RGS6: variants seen among roughly 807,000 people sequenced by gnomAD.
RGS6 encodes regulator of G protein signaling 6.
A neutral mutation model predicts 78.5 loss-of-function variants in RGS6; 30 were observed. That is an observed-to-expected ratio of 0.38 (90% CI 0.29 to 0.52). RGS6 has a LOEUF of 0.52. Ranked by LOEUF, RGS6 falls within the 20% of genes least tolerant of loss-of-function variation. The pLI, the probability that RGS6 is intolerant of heterozygous loss-of-function variation, is 0.85. For synonymous variants in RGS6, 206 were observed against 206.0 expected, an observed-to-expected ratio of 1.00 and a Z score of 0.00; for missense variants, 495 against 609.7, an observed-to-expected ratio of 0.81 and a Z score of 1.98.
chr14:71,936,015 G>GATCTATATATATATAT (rs1555390358), intron 1 of RGS6, among the ~76,000 whole-genome samples: 1 of 63,800 alleles, frequency 1.6e-5, no homozygotes, highest in Non-Finnish European at 3.3e-5. Flanking sequence ...GAACTAATAG[G>GATCTATATATATATAT]ATATATATAT....
chr14:72,297,429 A>ATTATTATTATT (rs1567692437), intron 2 of RGS6, among the ~76,000 whole-genome samples: 77 of 139,950 alleles, frequency 5.5e-4, no homozygotes, highest in African/African-American at 2.2e-3. Flanking sequence ...TATTATTATT[A>ATTATTATTATT]TTTTTTTTTT....
intron 2 of RGS6, among the ~76,000 whole-genome samples, chr14:72,158,423 G>T (rs2096803412): frequency 6.6e-6 from 1 of 152,070 alleles, no homozygotes; most frequent in Admixed American, 6.6e-5. Flanking sequence ...GAGATACTGG[G>T]GTTAGGACTT....
chr14:72,598,228 C>T, the RGS6 span, among the ~76,000 whole-genome samples: 10 of 152,196 alleles, frequency 6.6e-5, no homozygotes, highest in African/African-American at 2.4e-4. Context: ...GAGCTCTGCC[C>T]TCCACCCCTG....
At chr14:72,452,076 A>G (rs568219317) in intron 3 of RGS6, among the ~76,000 whole-genome samples, 22 of 152,156 alleles carry the variant, frequency 1.4e-4, no homozygotes, top group Non-Finnish European at 2.8e-4. Flanking sequence ...TGAGGAAAAA[A>G]CAGATTAGAG....
chr14:72,281,979 T>A (rs564687164), intron 2 of RGS6, among the ~76,000 whole-genome samples: 2 of 152,292 alleles, frequency 1.3e-5, no homozygotes, highest in South Asian at 2.1e-4. Flanking sequence ...TGGTATTTTT[T>A]AAAAAATCAC....
the RGS6 span, among the ~76,000 whole-genome samples, chr14:72,625,910 A>G: frequency 6.6e-6 from 1 of 152,212 alleles, no homozygotes; most frequent in East Asian, 1.9e-4. Context: ...CAAATCTAGC[A>G]TACGTAGTTT....
chr14:72,465,711 T>C (rs1566914786), intron 6 of RGS6, 47 bp from the exon 7 acceptor site: 1 of 1,394,312 alleles, frequency 7.2e-7, no homozygotes. Flanking sequence ...TATAATTCCA[T>C]TGTGCTGCTG....
intron 12 of RGS6, among the ~76,000 whole-genome samples, chr14:72,484,264 A>G (rs1214972893): frequency 2.0e-5 from 3 of 152,226 alleles, no homozygotes; most frequent in African/African-American, 7.2e-5. Flanking sequence ...TAATGGTCGT[A>G]TCCCATAATG....
At chr14:72,440,363 G>A (rs1190442495) in intron 3 of RGS6, among the ~76,000 whole-genome samples, 1 of 151,972 alleles carries the variant, frequency 6.6e-6, no homozygotes, top group East Asian at 1.9e-4. Flanking sequence ...TCTAGCAAAT[G>A]GACTTAGAGA....
At chr14:72,474,555 T>A in intron 9 of RGS6, 70 bp from the exon 10 acceptor site, 2 of 1,383,070 alleles carry the variant, frequency 1.4e-6, no homozygotes, top group Non-Finnish European at 2.0e-6. Context: ...GTCCTGATGG[T>A]GTGACATGGG....
intron 3 of RGS6, among the ~76,000 whole-genome samples, chr14:72,400,025 G>C (rs888856262): frequency 1.3e-5 from 2 of 152,092 alleles, no homozygotes; most frequent in Non-Finnish European, 2.9e-5. Flanking sequence ...TCAAATTCAG[G>C]CAATACAGAG....
intron 2 of RGS6, among the ~76,000 whole-genome samples, chr14:72,286,107 T>G (rs2062496657): frequency 6.6e-6 from 1 of 152,240 alleles, no homozygotes. Flanking sequence ...TCATAAAGTT[T>G]TGCCCCATGT....
chr14:72,228,134 T>C (rs1437604461), intron 2 of RGS6, among the ~76,000 whole-genome samples: 2 of 152,108 alleles, frequency 1.3e-5, no homozygotes, highest in Non-Finnish European at 1.5e-5. Context: ...ATCCCAGCAC[T>C]TTGGGAGGCC....
the RGS6 span, among the ~76,000 whole-genome samples, chr14:72,611,088 G>A: frequency 6.6e-6 from 1 of 152,042 alleles, no homozygotes; most frequent in Non-Finnish European, 1.5e-5. Context: ...TGCCATCCAG[G>A]GCCCCAGAGG....
the RGS6 span, among the ~76,000 whole-genome samples, chr14:71,880,194 C>T: frequency 6.6e-6 from 1 of 152,200 alleles, no homozygotes; most frequent in Non-Finnish European, 1.5e-5. Context: ...AGCAGCACGG[C>T]ATTCAAGAGG....
chr14:72,459,808 C>T (rs1387372440), intron 6 of RGS6, 125 bp downstream of exon 6: 6 of 899,692 alleles, frequency 6.7e-6, no homozygotes, highest in Non-Finnish European at 1.1e-5. Flanking sequence ...TCTGCTTAGT[C>T]CTTTCTCATA....
chr14:72,073,666 A>G (rs1403255065), intron 2 of RGS6, among the ~76,000 whole-genome samples: 1 of 152,218 alleles, frequency 6.6e-6, no homozygotes, highest in East Asian at 1.9e-4. Context: ...AAGAAAATCC[A>G]TGCAGATGTG....
chr14:72,511,890 G>T (rs1408511861), intron 14 of RGS6: 2 of 152,210 alleles, frequency 1.3e-5, no homozygotes, highest in Non-Finnish European at 2.9e-5. Flanking sequence ...ACACATCTCA[G>T]AGCTTCATTT....
At chr14:71,957,446 A>C (rs2092874236) in intron 1 of RGS6, among the ~76,000 whole-genome samples, 1 of 152,084 alleles carries the variant, frequency 6.6e-6, no homozygotes, top group Non-Finnish European at 1.5e-5. Flanking sequence ...GGGCTGTAGG[A>C]GAGGAGAAGG....
Sources: allele counts gnomAD v4.1 joint callset (sites outside exome capture counted in the v4.1 genomes callset), GRCh38; gene constraint gnomAD v4.1.1; transcripts MANE v1.5; gene names NCBI Gene and HGNC (gene_info 2026-07-23, HGNC 2026-07-21).